Variants in SAP130 observed in about 807,000 individuals in gnomAD.
The protein encoded by SAP130 is histone deacetylase complex subunit SAP130.
SAP130 carries 16 observed loss-of-function variants against 103.2 expected under a neutral mutation model. The ratio of observed to expected loss-of-function variants is 0.16; its 90% CI spans 0.10 to 0.24. SAP130 has a LOEUF of 0.24. Ranked by LOEUF, SAP130 falls within the 10% of genes least tolerant of loss-of-function variation. SAP130 has a pLI of 1.00. For missense variants in SAP130, 990 were observed against 1,359.7 expected (o/e 0.73, Z 4.28); for synonymous variants, 477 against 497.0 (o/e 0.96, Z 0.53).
chr2:128,022,957 G>A (rs2105250398), intron 2 of SAP130, among the ~76,000 whole-genome samples: 1 of 151,572 alleles, frequency 6.6e-6, no homozygotes, highest in South Asian at 2.1e-4. Context: ...AGCCTCTCAA[G>A]TAGCTGGGAC....
Position 127,986,723 on chromosome 2 carries a change from A to G in SAP130, c.1958+62T>C. 1 of 1,497,064 alleles carries G rather than the reference A, an allele frequency of 6.7e-7. No individual in the cohort carries two copies. Among genetic ancestry groups the G allele is most frequent in the Non-Finnish European group, 9.2e-7 (1 of 1,087,578 alleles). 92.7% of individuals were successfully genotyped at this position (1,497,064 alleles called of 1,614,324 possible). ...ATACCAGCATTAGATAAGAGTGCCT[A>G]TTATGTATACCAGTTATATCCAGAA... is the stretch of plus-strand genomic sequence containing the variant. On this transcript the variant is annotated intron_variant, in intron 14 of 20. Transcript: ENST00000643581. The surrounding 1 kb of genome is among the most constrained non-coding windows in gnomAD (Gnocchi z 4.7).
At chr2:128,020,068 C>T (rs574360393) in intron 2 of SAP130, among the ~76,000 whole-genome samples, 4 of 152,136 alleles carry the variant, frequency 2.6e-5, no homozygotes, top group African/African-American at 7.2e-5. Context: ...AGTAATGTTG[C>T]CCCCAAACTT....
chr2:127,990,098 T>C (rs1282035004), intron 12 of SAP130, among the ~76,000 whole-genome samples: 2 of 152,118 alleles, frequency 1.3e-5, no homozygotes, highest in Non-Finnish European at 2.9e-5. Context: ...ACTAGAAATA[T>C]GATTAAAACA....
intron 5 of SAP130, among the ~76,000 whole-genome samples, chr2:128,014,588 C>T (rs879891147): frequency 2.0e-5 from 3 of 152,220 alleles, no homozygotes; most frequent in Admixed American, 2.0e-4. Context: ...CCTACCACCT[C>T]AGCCTCCCAA....
intron 15 of SAP130, among the ~76,000 whole-genome samples, chr2:127,964,550 T>C (rs1449875753): frequency 6.9e-6 from 1 of 144,118 alleles, no homozygotes; most frequent in Non-Finnish European, 1.5e-5. Flanking sequence ...GAAAGCATTA[T>C]ACAGCAGAAT....
intron 6 of SAP130, among the ~76,000 whole-genome samples, chr2:128,011,697 T>C (rs1246946526): frequency 6.6e-6 from 1 of 152,230 alleles, no homozygotes; most frequent in African/African-American, 2.4e-5. Context: ...TACTACCCAG[T>C]ATCATAATCA....
chr2:127,944,416 G>A (rs1678921814), intron 19 of SAP130, among the ~76,000 whole-genome samples: 1 of 137,750 alleles, frequency 7.3e-6, no homozygotes, highest in Non-Finnish European at 1.6e-5. Flanking sequence ...GCAACATAGT[G>A]AGACCCTGTC....
chr2:127,980,067 CG>C (rs1339439913), intron 14 of SAP130, among the ~76,000 whole-genome samples: 1 of 151,692 alleles, frequency 6.6e-6, no homozygotes, highest in African/African-American at 2.4e-5. Context: ...TTACTAGAGA[CG>C]GGGTTTCACC....
chr2:127,985,593 C>T (rs562288321), intron 14 of SAP130, among the ~76,000 whole-genome samples: 8 of 152,206 alleles, frequency 5.3e-5, no homozygotes, highest in African/African-American at 1.9e-4. Flanking sequence ...AAATATGACC[C>T]TTACTACACT....
rs376522182 is a variant in SAP130 at position 127,953,879 on chromosome 2, T to TATACATACATAC, written c.2422+1095_2422+1106dup. ...ATAGAACTTATCACCCAAACATATATATACATACATACATACATATATAAT... is the reference window on the plus strand; with the variant it reads ...ATAGAACTTATCACCCAAACATATATATACATACATACATACATACATACATACATATATAAT... On this transcript the variant is annotated intron_variant, in intron 16 of 20. Coordinates refer to ENST00000643581, the MANE Select transcript of SAP130 (RefSeq NM_001330301.2). This position sits in a 1 kb window ranked among gnomAD's most constrained non-coding sequence, Gnocchi z 4.0. Among the ~76,000 whole-genome samples, 671 of 152,288 alleles carry TATACATACATAC rather than the reference T, an allele frequency of 4.4e-3. 6 individuals carry two copies. Among genetic ancestry groups the TATACATACATAC allele is most frequent in the African/African-American group, 0.015 (629 of 41,548 alleles).
chr2:127,957,979 G>A (rs756182032), intron 15 of SAP130, among the ~76,000 whole-genome samples: 4 of 152,110 alleles, frequency 2.6e-5, no homozygotes, highest in Non-Finnish European at 4.4e-5. Flanking sequence ...TCCCTGTACC[G>A]ACCAATACAA....
At chr2:127,982,264 T>C (rs1393094886) in intron 14 of SAP130, among the ~76,000 whole-genome samples, 1 of 151,938 alleles carries the variant, frequency 6.6e-6, no homozygotes. Context: ...GTTTATACTG[T>C]TTATGTGAAT....
intron 12 of SAP130, among the ~76,000 whole-genome samples, chr2:127,992,679 A>C (rs2105032899): frequency 6.6e-6 from 1 of 152,336 alleles, no homozygotes; most frequent in Admixed American, 6.5e-5. Flanking sequence ...TTCCTGGATT[A>C]GCAAAAAGAA....
At position 127,942,639 on chromosome 2, in the gene SAP130, A is replaced by C; in HGVS notation, c.2902-102T>G. 1 of 701,582 alleles carries C rather than the reference A, an allele frequency of 1.4e-6. No individual in the cohort carries two copies. Among genetic ancestry groups the C allele is most frequent in the South Asian group, 1.7e-5 (1 of 59,058 alleles). The allele number at this position is 701,582 out of a possible 1,614,324, so 43.5% of individuals were successfully genotyped here. A position where few individuals can be genotyped will look rare whatever the true frequency, so the allele number is the denominator to read the frequency against. ...TTCAATCACCTTTGTAAACTGTCTA[A>C]GAGTTGTTTGGGTGACAACGTCCTT... is the stretch of plus-strand genomic sequence containing the variant. On this transcript the variant is annotated intron_variant, in intron 19 of 20. Transcript: ENST00000643581. This position sits in a 1 kb window ranked among gnomAD's most constrained non-coding sequence, Gnocchi z 4.8.
intron 7 of SAP130, among the ~76,000 whole-genome samples, chr2:128,009,699 C>T (rs141223177): frequency 2.0e-4 from 31 of 152,202 alleles, no homozygotes; most frequent in African/African-American, 6.7e-4. Flanking sequence ...GAGTCCATGT[C>T]CTTAGTGTGG....
chr2:128,027,244 C>G (rs866716613), intron 1 of SAP130: 2 of 1,190,688 alleles, frequency 1.7e-6, no homozygotes, highest in South Asian at 4.3e-5. Flanking sequence ...TCCAGCCCCG[C>G]TGGCCCCACT....
Position 127,942,297 on chromosome 2 carries a change from G to T in SAP130, c.3015+127C>A. ...GAAAATGTCTTTTTGTTTCTCAGGA[G>T]TGCAGGCTGAAGCACGTATGTTTTT... is the stretch of plus-strand genomic sequence containing the variant. On this transcript the variant is annotated intron_variant, in intron 20 of 20. Coordinates refer to ENST00000643581, the MANE Select transcript of SAP130 (RefSeq NM_001330301.2). This position sits in a 1 kb window ranked among gnomAD's most constrained non-coding sequence, Gnocchi z 4.8. 1.8e-6 allele frequency: 2 copies of T among 1,105,140 alleles called. No individual in the cohort carries two copies. Among genetic ancestry groups the T allele is most frequent in the Non-Finnish European group, 2.7e-6 (2 of 750,094 alleles). 68.5% of individuals were successfully genotyped at this position (1,105,140 alleles called of 1,614,324 possible). A position where few individuals can be genotyped will look rare whatever the true frequency, so the allele number is the denominator to read the frequency against.
Position 127,978,149 on chromosome 2 carries a change from A to T in SAP130, c.1959-60T>A, listed in dbSNP as rs552435661. 20 of 1,253,946 alleles carry T rather than the reference A, an allele frequency of 1.6e-5. No homozygotes were observed. The African/African-American group carries it at 1.8e-4, about 11-fold the overall frequency. 77.7% of individuals were successfully genotyped at this position (1,253,946 alleles called of 1,614,324 possible). Reference sequence around the variant, plus strand: ...AGTCCAAGGGCATTCAAGGCTAAGAAATACAGGATGCACATTTGCCAGGCA... The same window carrying T: ...AGTCCAAGGGCATTCAAGGCTAAGATATACAGGATGCACATTTGCCAGGCA... On this transcript the variant is annotated intron_variant, in intron 14 of 20. Transcript: ENST00000643581.
At chr2:127,975,314 A>T (rs913369196) in intron 15 of SAP130, among the ~76,000 whole-genome samples, 1 of 152,238 alleles carries the variant, frequency 6.6e-6, no homozygotes, top group Non-Finnish European at 1.5e-5. Flanking sequence ...AAAATGCAAC[A>T]AAAGACCAAA....
Sources: gnomAD v4.1 joint callset for allele counts (sites outside exome capture counted in the v4.1 genomes callset) on GRCh38, gnomAD v4.1.1 for gene constraint, Gnocchi (gnomAD v3.1) non-coding constraint, MANE v1.5 for transcripts, NCBI Gene and HGNC (gene_info 2026-07-23, HGNC 2026-07-21) for gene names.